The following SMARCA4 variants were observed in gnomAD, a reference collection of about 807,000 sequenced individuals.
The protein encoded by SMARCA4 is SWI/SNF-related matrix-associated actin-dependent regulator of chromatin subfamily A member 4.
Under a neutral mutation model 193.9 loss-of-function variants are expected in SMARCA4, and 31 were observed. That is an observed-to-expected ratio of 0.16 (90% CI 0.12 to 0.22). The LOEUF is 0.22. SMARCA4 is among the 10% of genes least tolerant of loss of function. The pLI is 1.00. For synonymous variants in SMARCA4, 942 were observed against 933.1 expected, an observed-to-expected ratio of 1.01 and a Z score of -0.17; for missense variants, 1,148 against 2,296.0, an observed-to-expected ratio of 0.50 and a Z score of 10.22.
intron 11 of SMARCA4, among the ~76,000 whole-genome samples, chr19:10,998,895 C>CTTTT (rs1335988156): frequency 7.2e-6 from 1 of 138,464 alleles, no homozygotes; most frequent in South Asian, 2.3e-4. Context: ...GTCCTGGTTC[C>CTTTT]TTTTTTTTTT....
chr19:10,984,048 GA>G lies in SMARCA4; in HGVS notation c.-31-72del, dbSNP rs1246754974. On this transcript the variant is annotated intron_variant, in intron 1 of 34. Transcript: ENST00000344626. The surrounding 1 kb of genome is among the most constrained non-coding windows in gnomAD (Gnocchi z 4.3). ...GATGTAGATTCTGATGTGACCGTAT[GA>G]TTGTCCCTTGCTATCCCTGTCCTGC... 2.6e-6 allele frequency: 3 copies of G among 1,147,792 alleles called. No individual in the cohort carries two copies. In the African/African-American group the frequency reaches 4.5e-5, roughly 17 times the overall value. The allele number at this position is 1,147,792 out of a possible 1,614,324, so 71.1% of individuals were successfully genotyped here. A position where few individuals can be genotyped will look rare whatever the true frequency, so the allele number is the denominator to read the frequency against.
chr19:11,025,933 A>G (rs569198613), intron 22 of SMARCA4, among the ~76,000 whole-genome samples: 2 of 152,126 alleles, frequency 1.3e-5, no homozygotes, highest in South Asian at 2.1e-4. Context: ...AGAAGCATGC[A>G]TATGTTCGTG....
rs1599948657 is a variant in SMARCA4 at position 10,986,189 on chromosome 19, G to A, written c.356G>A (p.Gly119Asp). The A allele has an allele frequency of 1.2e-6, 2 of 1,613,634 alleles. No individual in the cohort carries two copies. The highest frequency in any genetic ancestry group is 1.1e-5 in the South Asian group (1 of 91,082). The change falls in exon 4 of 35, where the codon GGT becomes GAT. Residue 119 changes from glycine (G) to aspartate (D), a missense_variant and splice_region_variant. Coordinates refer to ENST00000344626, the MANE Select transcript of SMARCA4 (RefSeq NM_003072.5). This position sits in a 1 kb window ranked among gnomAD's most constrained non-coding sequence, Gnocchi z 6.7. ...CCAGTGGGCTGACCTTTCTCTGCAG[G>A]TTACCCCTCGCCCCTGGGTGGCTCT... ...PPSPMDQHSQ[G>D]YPSPLGGSEH...
At chr19:11,013,462 C>A (rs924103682) in intron 16 of SMARCA4, among the ~76,000 whole-genome samples, 1 of 152,174 alleles carries the variant, frequency 6.6e-6, no homozygotes, top group Non-Finnish European at 1.5e-5. Flanking sequence ...TTGGCCCTGT[C>A]TCCAGGTACA....
chr19:11,023,425 T>C, intron 19 of SMARCA4, 93 bp from the exon 20 acceptor site: 1 of 826,052 alleles, frequency 1.2e-6, no homozygotes. Context: ...GGGGACCCCG[T>C]CCACCCTGTC....
chr19:10,994,500 A>AT (rs895432379), intron 8 of SMARCA4, among the ~76,000 whole-genome samples: 2 of 148,092 alleles, frequency 1.4e-5, no homozygotes, highest in African/African-American at 5.0e-5. Flanking sequence ...GATTTTTTGA[A>AT]TTTTTTTTGT....
intron 11 of SMARCA4, among the ~76,000 whole-genome samples, chr19:11,002,312 C>T (rs573134573): frequency 1.3e-5 from 2 of 151,442 alleles, no homozygotes; most frequent in Non-Finnish European, 2.9e-5. Flanking sequence ...ACCCCGTCTC[C>T]ACTAAAAATA....
At chr19:11,025,581 C>T (rs1729750100) in intron 22 of SMARCA4, 73 bp downstream of exon 22, 13 of 1,045,616 alleles carry the variant, frequency 1.2e-5, no homozygotes, top group African/African-American at 6.2e-5. Context: ...GGCTTCTCCT[C>T]GACAGCTCTT....
chr19:10,987,770 G>T lies in SMARCA4; in HGVS notation c.964G>T (p.Ala322Ser), dbSNP rs1060502089. ...CGCGCCCCCTGCCGTCCCACCCGCCGCCTCGCCCGTGATGCCACCGCAGAC... is the reference window on the plus strand; with the variant it reads ...CGCGCCCCCTGCCGTCCCACCCGCCTCCTCGCCCGTGATGCCACCGCAGAC... ...SPAPPAVPPAASPVMPPQTQS... is the reference protein window; with the variant it reads ...SPAPPAVPPASSPVMPPQTQS... Residue 322 changes from alanine (A) to serine (S), a missense_variant, in exon 6 of 35, where the codon GCC becomes TCC. Transcript: ENST00000344626. The surrounding 1 kb of genome is among the most constrained non-coding windows in gnomAD (Gnocchi z 5.3). The T allele has an allele frequency of 3.1e-6, 5 of 1,596,738 alleles. No homozygotes were observed. The highest frequency in any genetic ancestry group is 1.7e-6 in the Non-Finnish European group (2 of 1,172,246).
Position 10,987,905 on chromosome 19 carries a change from C to T in SMARCA4, c.1099C>T (p.Leu367=), listed in dbSNP as rs372379166. The stretch of plus-strand genomic sequence containing the variant: ...GCGGGGCCTCGACCCTGTGGAGATC[C>T]TGCAGGAGCGCGAGTACAGGTGAGG... The part of the protein sequence containing the change: ...KPRGLDPVEI[L]QEREYRLQAR... Residue 367 remains leucine (L), a synonymous_variant, in exon 6 of 35, where the codon CTG becomes TTG. Coordinates refer to ENST00000344626, the MANE Select transcript of SMARCA4 (RefSeq NM_003072.5). This position sits in a 1 kb window ranked among gnomAD's most constrained non-coding sequence, Gnocchi z 5.3. 155 of 1,612,790 alleles carry T rather than the reference C, an allele frequency of 9.6e-5. No homozygotes were observed. Among genetic ancestry groups the T allele is most frequent in the Non-Finnish European group, 3.4e-5 (40 of 1,179,942 alleles).
chr19:10,975,415 G>A (rs1178018467), intron 1 of SMARCA4, among the ~76,000 whole-genome samples: 4 of 150,944 alleles, frequency 2.6e-5, no homozygotes, highest in Non-Finnish European at 5.9e-5. Flanking sequence ...GGGTTCAAGC[G>A]ATTCTCTTGC....
In SMARCA4 at chr19:11,049,340, G is replaced by A. The variant is rs77054857; in HGVS notation, c.4424+7780G>A. Among the ~76,000 whole-genome samples, 317 of 152,220 alleles carry A rather than the reference G, an allele frequency of 2.1e-3. 4 individuals carry two copies. The highest frequency in any genetic ancestry group is 7.2e-3 in the African/African-American group (300 of 41,542). On this transcript the variant is annotated intron_variant, in intron 30 of 34. Coordinates refer to ENST00000344626, the MANE Select transcript of SMARCA4 (RefSeq NM_003072.5). ...CACATTGAGGAACCTGCCAGAAATC[G>A]AAACCAGAATTAAGAAATTAAGTTA...
chr19:10,977,308 T>C (rs1254454227), intron 1 of SMARCA4, among the ~76,000 whole-genome samples: 1 of 151,992 alleles, frequency 6.6e-6, no homozygotes, highest in East Asian at 1.9e-4. Flanking sequence ...CGTTACGGAC[T>C]CGAGTTTTTT....
chr19:11,003,275 G>A (rs2146104966), intron 12 of SMARCA4, 65 bp from the exon 13 acceptor site: 2 of 1,603,902 alleles, frequency 1.2e-6, no homozygotes, highest in East Asian at 4.5e-5. Context: ...CGGCAGGTTT[G>A]GTAGGGAAAG....
chr19:11,058,874 C>T lies in SMARCA4; in HGVS notation c.4620C>T (p.Asn1540=), dbSNP rs751869068. Residue 1540 remains asparagine, a synonymous_variant, in exon 32 of 35, where the codon AAC becomes AAT. Transcript: ENST00000344626. This position sits in a 1 kb window ranked among gnomAD's most constrained non-coding sequence, Gnocchi z 5.8. ...MLLCQNAQTF[N]LEGSLIYEDS... Reference sequence around the variant, plus strand: ...TGTGCCAGAACGCACAGACCTTCAACCTGGAGGGCTCCCTGGTGAGGGCAC... The same window carrying T: ...TGTGCCAGAACGCACAGACCTTCAATCTGGAGGGCTCCCTGGTGAGGGCAC... The T allele has an allele frequency of 6.2e-6, 10 of 1,613,846 alleles. No homozygotes were observed. The highest frequency in any genetic ancestry group is 7.6e-6 in the Non-Finnish European group (9 of 1,179,830).
At chr19:10,978,189 C>T (rs2145636227) in intron 1 of SMARCA4, among the ~76,000 whole-genome samples, 1 of 152,346 alleles carries the variant, frequency 6.6e-6, no homozygotes, top group South Asian at 2.1e-4. Flanking sequence ...ACAGTCCCCG[C>T]TGGATTTGCA....
intron 19 of SMARCA4, 111 bp downstream of exon 19, chr19:11,022,078 G>A: frequency 1.3e-6 from 2 of 1,512,842 alleles, no homozygotes; most frequent in Non-Finnish European, 1.8e-6. Context: ...TGGGTGCCTG[G>A]TGAGAGTCTG....
chr19:10,995,564 A>T (rs943085129), intron 9 of SMARCA4: 4 of 451,950 alleles, frequency 8.9e-6, no homozygotes, highest in African/African-American at 8.0e-5. Context: ...GCCTTGAAAC[A>T]GAGGCCCAAA....
At chr19:11,053,143 G>A (rs1309640942) in intron 30 of SMARCA4, among the ~76,000 whole-genome samples, 1 of 152,120 alleles carries the variant, frequency 6.6e-6, no homozygotes, top group African/African-American at 2.4e-5. Context: ...GCTCACGCCT[G>A]TAATTCCAGC....
Sources: allele counts gnomAD v4.1 joint callset (sites outside exome capture counted in the v4.1 genomes callset), GRCh38; gene constraint gnomAD v4.1.1; non-coding constraint Gnocchi (gnomAD v3.1); transcripts MANE v1.5; gene names NCBI Gene and HGNC (gene_info 2026-07-23, HGNC 2026-07-21).